The following STX1A variants were observed in gnomAD, a reference collection of about 807,000 sequenced individuals.
STX1A encodes the protein syntaxin-1A.
A neutral mutation model predicts 37.8 loss-of-function variants in STX1A; 4 were observed. That is an observed-to-expected ratio of 0.11 (90% CI 0.05 to 0.24). STX1A has a LOEUF of 0.24. Among genes scored for constraint, STX1A ranks in the 10% least tolerant of loss-of-function variants. STX1A has a pLI of 1.00. For missense variants in STX1A, 251 were observed against 399.9 expected, an observed-to-expected ratio of 0.63 and a Z score of 3.18; for synonymous variants, 135 against 147.4, an observed-to-expected ratio of 0.92 and a Z score of 0.61.
rs1299353988 is a variant in STX1A at position 73,706,067 on chromosome 7, A to T, written c.209-843T>A. Among the ~76,000 whole-genome samples the T allele has an allele frequency of 6.6e-6, 1 of 152,048 alleles. No individual in the cohort carries two copies. Among genetic ancestry groups the T allele is most frequent in the Non-Finnish European group, 1.5e-5 (1 of 68,012 alleles). ...CTCCTGGCAACACCCCAGTCTCAGG[A>T]CACCCCCAGGACTCTGCCCCGAGAG... On this transcript the variant is annotated intron_variant, in intron 3 of 9. Transcript: ENST00000222812. This position sits in a 1 kb window ranked among gnomAD's most constrained non-coding sequence, Gnocchi z 4.6.
intron 1 of STX1A, among the ~76,000 whole-genome samples, chr7:73,718,065 C>G (rs1799352944): frequency 6.6e-6 from 1 of 152,150 alleles, no homozygotes; most frequent in Non-Finnish European, 1.5e-5. Flanking sequence ...CTACCAGGCG[C>G]CTAAACATCA....
At chr7:73,710,178 T>C (rs1799047303) in intron 1 of STX1A, among the ~76,000 whole-genome samples, 1 of 152,216 alleles carries the variant, frequency 6.6e-6, no homozygotes, top group Non-Finnish European at 1.5e-5. Context: ...CACTCCACTG[T>C]CCCAGGACCA....
rs541406847 is a variant in STX1A at position 73,712,483 on chromosome 7, A to G, written c.31-3361T>C. 1.6e-4 allele frequency among the ~76,000 whole-genome samples: 24 copies of G among 151,602 alleles called. No homozygotes were observed. The South Asian group carries it at 5.0e-3, about 32-fold the overall frequency. On this transcript the variant is annotated intron_variant, in intron 1 of 9. Coordinates refer to ENST00000222812, the MANE Select transcript of STX1A (RefSeq NM_004603.4). ...AGAAGCCTCCCTGCCCCCCCAAATC[A>G]GTATCTCGCACCTTGTTCTTCCACA... is the stretch of plus-strand genomic sequence containing the variant.
At chr7:73,716,630 G>T in intron 1 of STX1A, 1 of 152,576 alleles carries the variant, frequency 6.6e-6, no homozygotes, top group Non-Finnish European at 1.5e-5. Context: ...CTATCCCAGG[G>T]TCTCTTCTTC....
Position 73,700,148 on chromosome 7 carries a change from C to G in STX1A, c.*259G>C. On this transcript the variant is annotated 3_prime_UTR_variant, in exon 10 of 10. Transcript: ENST00000222812. The surrounding 1 kb of genome is among the most constrained non-coding windows in gnomAD (Gnocchi z 4.4). ...ACCCTGGCGGCCCTGCCTGGGTCTG[C>G]TCCTCGCTGTGCACACTGCATCACG... is the stretch of plus-strand genomic sequence containing the variant. 2 of 560,392 alleles carry G rather than the reference C, an allele frequency of 3.6e-6. No homozygotes were observed. The highest frequency in any genetic ancestry group is 6.4e-6 in the Non-Finnish European group (2 of 312,272). 34.7% of individuals were successfully genotyped at this position (560,392 alleles called of 1,614,324 possible).
Position 73,704,368 on chromosome 7 carries a change from C to T in STX1A, c.339G>A (p.Leu113=). The T allele has an allele frequency of 1.4e-5, 22 of 1,614,178 alleles. No homozygotes were observed. The highest frequency in any genetic ancestry group is 1.9e-5 in the Non-Finnish European group (22 of 1,180,024). Residue 113 remains leucine, a synonymous_variant, in exon 5 of 10, where the codon CTG becomes CTA. Coordinates refer to ENST00000222812, the MANE Select transcript of STX1A (RefSeq NM_004603.4). ...GCCGCACCTGTGTCTTCCGGATCCT[C>T]AGGTCAGCGGAGGAGCGGTTCAGGC... ...EEGLNRSSAD[L]RIRKTQHSTL... is the part of the protein sequence containing the mutation.
At chr7:73,704,880 C>T (rs1798814963) in intron 4 of STX1A, 2 of 565,428 alleles carry the variant, frequency 3.5e-6, no homozygotes, top group South Asian at 2.1e-5. Context: ...ACTTCTTCAA[C>T]CCTCTTTAGC....
At chr7:73,710,714 C>T (rs782470230) in intron 1 of STX1A, among the ~76,000 whole-genome samples, 2 of 152,242 alleles carry the variant, frequency 1.3e-5, no homozygotes, top group Non-Finnish European at 2.9e-5. Context: ...CGTGAACCAC[C>T]ACATCTGATC....
In STX1A at chr7:73,709,191, G is replaced by A. The variant is rs1203693644; in HGVS notation, c.31-69C>T. Reference sequence around the variant, plus strand: ...CCACCTGTACACACGCAGGTGCCCAGGGTACAGCGCCAGGGCCCTGCCCCT... The same window carrying A: ...CCACCTGTACACACGCAGGTGCCCAAGGTACAGCGCCAGGGCCCTGCCCCT... On this transcript the variant is annotated intron_variant, in intron 1 of 9. Coordinates refer to ENST00000222812, the MANE Select transcript of STX1A (RefSeq NM_004603.4). This position sits in a 1 kb window ranked among gnomAD's most constrained non-coding sequence, Gnocchi z 4.2. 2.0e-6 allele frequency: 3 copies of A among 1,530,520 alleles called. No individual in the cohort carries two copies. Among genetic ancestry groups the A allele is most frequent in the Admixed American group, 1.7e-5 (1 of 59,662 alleles). 94.8% of individuals were successfully genotyped at this position (1,530,520 alleles called of 1,614,324 possible).
At chr7:73,716,278 G>A (rs1418029195) in intron 1 of STX1A, among the ~76,000 whole-genome samples, 2 of 152,246 alleles carry the variant, frequency 1.3e-5, no homozygotes, top group African/African-American at 2.4e-5. Context: ...GGTAACACTG[G>A]CTCCATTCTG....
rs566220748 is a variant in STX1A at position 73,707,878 on chromosome 7, T to C, written c.208+711A>G. The stretch of plus-strand genomic sequence containing the variant: ...TGAACCTGGGAGGCGGAGGTTGCAG[T>C]GAGCCGAGATGGCACCACTGCACTG... On this transcript the variant is annotated intron_variant, in intron 3 of 9. Transcript: ENST00000222812. Among the ~76,000 whole-genome samples the C allele has an allele frequency of 4.9e-5, 7 of 141,538 alleles. No homozygotes were observed. In the East Asian group the frequency reaches 1.4e-3, roughly 29 times the overall value. 92.9% of individuals were successfully genotyped at this position (141,538 alleles called of 152,430 possible). A position where few individuals can be genotyped will look rare whatever the true frequency, so the allele number is the denominator to read the frequency against.
Position 73,717,925 on chromosome 7 carries a change from C to T in STX1A, c.30+1677G>A, listed in dbSNP as rs1373525800. ...CCACCCCTCCCTCTAGCAGGCAAGCCGTGTTTCTTTTGTGCCTCAGTTTCC... is the reference window on the plus strand; with the variant it reads ...CCACCCCTCCCTCTAGCAGGCAAGCTGTGTTTCTTTTGTGCCTCAGTTTCC... On this transcript the variant is annotated intron_variant, in intron 1 of 9. Coordinates refer to ENST00000222812, the MANE Select transcript of STX1A (RefSeq NM_004603.4). The surrounding 1 kb of genome is among the most constrained non-coding windows in gnomAD (Gnocchi z 4.1). Among the ~76,000 whole-genome samples, 5 of 152,122 alleles carry T rather than the reference C, an allele frequency of 3.3e-5. No individual in the cohort carries two copies. The East Asian group carries it at 5.8e-4, about 18-fold the overall frequency.
Position 73,704,242 on chromosome 7 carries a change from G to A in STX1A, c.372C>T (p.Ser124=). ...RIRKTQHSTL[S]RKFVEVMSEY... Reference sequence around the variant, plus strand: ...CCGACATGACCTCCACAAACTTTCTGGACAGCGTGGAGTGCTGGGGGCCCG... The same window carrying A: ...CCGACATGACCTCCACAAACTTTCTAGACAGCGTGGAGTGCTGGGGGCCCG... Residue 124 remains serine, a synonymous_variant, in exon 6 of 10, where the codon TCC becomes TCT. Coordinates refer to ENST00000222812, the MANE Select transcript of STX1A (RefSeq NM_004603.4). The A allele has an allele frequency of 6.2e-7, 1 of 1,614,022 alleles. No individual in the cohort carries two copies. Among genetic ancestry groups the A allele is most frequent in the Non-Finnish European group, 8.5e-7 (1 of 1,179,996 alleles).
intron 8 of STX1A, among the ~76,000 whole-genome samples, chr7:73,701,523 A>C (rs1417980778): frequency 6.6e-6 from 1 of 151,460 alleles, no homozygotes; most frequent in African/African-American, 2.4e-5. Flanking sequence ...TCCGTCTCAA[A>C]AAAAGAAAAA....
At position 73,708,675 on chromosome 7, in the gene STX1A, C is replaced by T. The variant is rs1554617458; in HGVS notation, c.122G>A (p.Arg41Gln). The change falls in exon 3 of 10, where the codon CGA becomes CAA. Residue 41 changes from arginine to glutamine, a missense_variant. This residue lies in a region of STX1A where 214 missense variants were observed against 367.6 expected (regional missense o/e 0.58). Transcript: ENST00000222812. ...CTCTGCGATCTTGTCAATGAAGCCT[C>T]GAATCTCCTCCACCTGCGGACCAAG... is the stretch of plus-strand genomic sequence containing the variant. ...DEFFEQVEEI[R>Q]GFIDKIAENV... 1 of 1,614,012 alleles carries T rather than the reference C, an allele frequency of 6.2e-7. No individual in the cohort carries two copies. The highest frequency in any genetic ancestry group is 8.5e-7 in the Non-Finnish European group (1 of 1,179,978).
intron 1 of STX1A, among the ~76,000 whole-genome samples, chr7:73,716,354 G>A (rs1356959743): frequency 6.6e-6 from 1 of 152,236 alleles, no homozygotes; most frequent in Non-Finnish European, 1.5e-5. Context: ...CCAACCGCCA[G>A]ACTCTTCCCA....
Position 73,702,933 on chromosome 7 carries a change from G to T in STX1A, c.590C>A (p.Thr197Lys). 1 of 1,613,172 alleles carries T rather than the reference G, an allele frequency of 6.2e-7. No homozygotes were observed. Among genetic ancestry groups the T allele is most frequent in the Non-Finnish European group, 8.5e-7 (1 of 1,179,946 alleles). Residue 197 changes from threonine to lysine, a missense_variant, in exon 8 of 10, where the codon ACG becomes AAG. Thr to Lys is a moderately conservative substitution (Grantham distance 78). This residue lies in a region of STX1A where 214 missense variants were observed against 367.6 expected (regional missense o/e 0.58). Coordinates refer to ENST00000222812, the MANE Select transcript of STX1A (RefSeq NM_004603.4). This position sits in a 1 kb window ranked among gnomAD's most constrained non-coding sequence, Gnocchi z 4.7. Reference sequence around the variant, plus strand: ...CAGCTTGATGATCTCACTGTGCCGCGTCTCAATCTCGCTCAGAGCCTGCTT... The same window carrying T: ...CAGCTTGATGATCTCACTGTGCCGCTTCTCAATCTCGCTCAGAGCCTGCTT... ...ISKQALSEIETRHSEIIKLEN... is the reference protein window; with the variant it reads ...ISKQALSEIEKRHSEIIKLEN...
chr7:73,704,660 G>T, intron 4 of STX1A: 1 of 585,936 alleles, frequency 1.7e-6, no homozygotes, highest in Non-Finnish European at 3.1e-6. Flanking sequence ...CTGCGTGTGT[G>T]TGAGGTCTGG....
chr7:73,701,925 T>C (rs1798673023), intron 8 of STX1A, among the ~76,000 whole-genome samples: 1 of 152,084 alleles, frequency 6.6e-6, no homozygotes, highest in Non-Finnish European at 1.5e-5. Context: ...ATCCCATCTT[T>C]TGCTAAAACA....
Sources: gnomAD v4.1 joint callset for allele counts (sites outside exome capture counted in the v4.1 genomes callset) on GRCh38, gnomAD v4.1.1 for gene constraint, gnomAD v4.1.1 regional missense constraint, Gnocchi (gnomAD v3.1) non-coding constraint, MANE v1.5 for transcripts, NCBI Gene and HGNC (gene_info 2026-07-23, HGNC 2026-07-21) for gene names.